The following DRC8 variants were observed in gnomAD, a reference collection of about 807,000 sequenced individuals.
DRC8 encodes the protein dynein regulatory complex protein 8.
At chr1:245,104,473 C>T in the DRC8 span, among the ~76,000 whole-genome samples, 5 of 149,542 alleles carry the variant, frequency 3.3e-5, no homozygotes, top group Non-Finnish European at 4.4e-5. Context: ...CACTGCACTC[C>T]AGCCTGGGGG....
chr1:245,015,736 A>C, the DRC8 span: 4 of 285,828 alleles, frequency 1.4e-5, no homozygotes, highest in Non-Finnish European at 2.8e-5. Flanking sequence ...GAAAGAAAGA[A>C]TATATCCAGA....
chr1:244,977,202 A>G, the DRC8 span, among the ~76,000 whole-genome samples: 1 of 152,172 alleles, frequency 6.6e-6, no homozygotes, highest in East Asian at 1.9e-4. Flanking sequence ...GAAGTTCTGG[A>G]GATTGGTTGC....
chr1:245,109,410 C>T, the DRC8 span, among the ~76,000 whole-genome samples: 1 of 152,126 alleles, frequency 6.6e-6, no homozygotes, highest in Non-Finnish European at 1.5e-5. Context: ...CCCCACTGCC[C>T]ACAGCTGGCC....
the DRC8 span, among the ~76,000 whole-genome samples, chr1:245,005,801 G>A: frequency 2.6e-5 from 4 of 152,218 alleles, no homozygotes; most frequent in East Asian, 1.9e-4. Context: ...TACATAGGAG[G>A]GTACTTAACA....
chr1:245,050,838 C>T, the DRC8 span, among the ~76,000 whole-genome samples: 1 of 151,900 alleles, frequency 6.6e-6, no homozygotes, highest in African/African-American at 2.4e-5. Flanking sequence ...TCTTTTTGTC[C>T]AGATCTAAGA....
the DRC8 span, among the ~76,000 whole-genome samples, chr1:245,020,760 C>T: frequency 6.6e-6 from 1 of 151,014 alleles, no homozygotes; most frequent in African/African-American, 2.4e-5. Flanking sequence ...GCTGGGATTA[C>T]AGGTGCCCGC....
chr1:245,059,597 T>C, the DRC8 span: 1 of 618,882 alleles, frequency 1.6e-6, no homozygotes, highest in Non-Finnish European at 2.7e-6. Flanking sequence ...TTAGGATAAC[T>C]ATTCATATTA....
At chr1:245,040,119 G>A in the DRC8 span, among the ~76,000 whole-genome samples, 6 of 152,244 alleles carry the variant, frequency 3.9e-5, no homozygotes, top group Admixed American at 2.0e-4. Context: ...GCCAAGCGGC[G>A]TTTTGGTGTT....
At chr1:245,123,998 TC>T in the DRC8 span, 2 of 152,738 alleles carry the variant, frequency 1.3e-5, no homozygotes, top group Admixed American at 1.3e-4. This position sits in a 1 kb window ranked among gnomAD's most constrained non-coding sequence, Gnocchi z 5.0. Flanking sequence ...AGCCTCGAGT[TC>T]CTGGGCTCAA....
the DRC8 span, among the ~76,000 whole-genome samples, chr1:245,040,494 C>T: frequency 1.3e-5 from 2 of 152,176 alleles, no homozygotes; most frequent in African/African-American, 2.4e-5. Context: ...AGCTACGTTA[C>T]TAGCAGGGCG....
At chr1:244,970,013 G>C in the DRC8 span, 1 of 552,484 alleles carries the variant, frequency 1.8e-6, no homozygotes, top group African/African-American at 2.0e-5. Flanking sequence ...GCAACGCCAC[G>C]TCGCACAAAC....
chr1:245,060,419 T>A, the DRC8 span, among the ~76,000 whole-genome samples: 1 of 152,228 alleles, frequency 6.6e-6, no homozygotes, highest in Non-Finnish European at 1.5e-5. Flanking sequence ...GCACAGATAT[T>A]AGCACCTTGG....
At chr1:245,052,806 G>A in the DRC8 span, among the ~76,000 whole-genome samples, 1 of 152,200 alleles carries the variant, frequency 6.6e-6, no homozygotes, top group Non-Finnish European at 1.5e-5. Flanking sequence ...TGTGGTGACG[G>A]TAAGTGCTGG....
chr1:245,124,469 A>T, the DRC8 span: 3 of 152,170 alleles, frequency 2.0e-5, no homozygotes, highest in African/African-American at 7.2e-5. Flanking sequence ...TCCTCACAGG[A>T]TTAAGAAGAA....
the DRC8 span, among the ~76,000 whole-genome samples, chr1:244,984,516 G>A: frequency 6.6e-6 from 1 of 152,142 alleles, no homozygotes; most frequent in African/African-American, 2.4e-5. Flanking sequence ...AAGAGTAAAT[G>A]TATTTTTCTG....
chr1:244,979,571 A>G, the DRC8 span, among the ~76,000 whole-genome samples: 28 of 150,484 alleles, frequency 1.9e-4, no homozygotes, highest in African/African-American at 6.6e-4. Flanking sequence ...CTCCCAAAGT[A>G]CTAGGATTAC....
At chr1:245,103,939 G>T in the DRC8 span, among the ~76,000 whole-genome samples, 11 of 152,320 alleles carry the variant, frequency 7.2e-5, no homozygotes, top group South Asian at 1.2e-3. Flanking sequence ...AGTGGGCTTA[G>T]GGATAAGACA....
At chr1:245,074,825 T>C in the DRC8 span, among the ~76,000 whole-genome samples, 1 of 152,352 alleles carries the variant, frequency 6.6e-6, no homozygotes, top group East Asian at 1.9e-4. Flanking sequence ...TAGAGAAATA[T>C]TTTCTAAATT....
the DRC8 span, among the ~76,000 whole-genome samples, chr1:245,025,873 A>G: frequency 6.6e-6 from 1 of 152,188 alleles, no homozygotes; most frequent in South Asian, 2.1e-4. Context: ...TCCTGCCGCC[A>G]TGTAAGATGT....
Sources: gnomAD v4.1 joint callset for allele counts (sites outside exome capture counted in the v4.1 genomes callset) on GRCh38, gnomAD v4.1.1 for gene constraint, Gnocchi (gnomAD v3.1) non-coding constraint, MANE v1.5 for transcripts, NCBI Gene and HGNC (gene_info 2026-07-23, HGNC 2026-07-21) for gene names.